Variants in GCH1 observed in about 807,000 individuals in gnomAD.
The protein encoded by GCH1 is GTP cyclohydrolase I.
Under a neutral mutation model 25.9 loss-of-function variants are expected in GCH1, and 5 were observed. The ratio of observed to expected loss-of-function variants is 0.19; its 90% CI spans 0.10 to 0.41. The LOEUF (loss-of-function observed/expected upper bound fraction) is 0.41. Ranked by LOEUF, GCH1 falls within the 10% of genes least tolerant of loss-of-function variation. The pLI is 1.00. For synonymous variants in GCH1, 159 were observed against 129.6 expected (o/e 1.23, Z -1.54); for missense variants, 261 against 336.5 (o/e 0.78, Z 1.75).
intron 1 of GCH1, among the ~76,000 whole-genome samples, chr14:54,876,006 C>G (rs2040153940): frequency 1.3e-5 from 2 of 152,080 alleles, no homozygotes; most frequent in Admixed American, 1.3e-4. Flanking sequence ...GGTATATACC[C>G]AAAGGATTAT....
chr14:54,854,710 T>A (rs1451007412), intron 3 of GCH1, among the ~76,000 whole-genome samples: 1 of 152,182 alleles, frequency 6.6e-6, no homozygotes, highest in African/African-American at 2.4e-5. Context: ...GTGGAAAAAT[T>A]AATACTGGAG....
intron 2 of GCH1, 110 bp from the exon 3 acceptor site, chr14:54,859,846 G>A (rs1248819788): frequency 1.7e-5 from 12 of 716,420 alleles, no homozygotes; most frequent in Non-Finnish European, 2.6e-5. Flanking sequence ...AATTTATCAC[G>A]ACAATGTATT....
intron 1 of GCH1, among the ~76,000 whole-genome samples, chr14:54,888,781 C>T (rs553389067): frequency 6.6e-6 from 1 of 152,004 alleles, no homozygotes; most frequent in East Asian, 1.9e-4. Context: ...CCTCAGCCTC[C>T]CAAAGTGCTG....
intron 1 of GCH1, among the ~76,000 whole-genome samples, chr14:54,892,148 A>C (rs894480492): frequency 2.4e-4 from 36 of 152,182 alleles, no homozygotes; most frequent in Non-Finnish European, 8.8e-5. Context: ...TGCAAAAGCT[A>C]TGGCCACAGC....
intron 1 of GCH1, chr14:54,885,112 C>T: frequency 3.4e-6 from 1 of 291,566 alleles, no homozygotes. Flanking sequence ...GATGTCAGTA[C>T]AAACTCTGCC....
chr14:54,845,641 T>C (rs2039630823), intron 5 of GCH1, 127 bp downstream of exon 5: 3 of 745,522 alleles, frequency 4.0e-6, no homozygotes, highest in East Asian at 5.0e-5. Flanking sequence ...GGCTCAGGGA[T>C]GGAAATCTAC....
At chr14:54,885,494 C>T in intron 1 of GCH1, 1 of 302,062 alleles carries the variant, frequency 3.3e-6, no homozygotes, top group Non-Finnish European at 6.5e-6. Context: ...AGAAGCATAG[C>T]ATCATTGATG....
chr14:54,898,554 T>C (rs8019791), intron 1 of GCH1, among the ~76,000 whole-genome samples: 6,287 of 152,326 alleles, frequency 0.041, 435 homozygotes, highest in African/African-American at 0.14. Flanking sequence ...ATTGTACAGC[T>C]GTGCAAAAAT....
At chr14:54,869,853 G>C (rs989112103) in intron 1 of GCH1, among the ~76,000 whole-genome samples, 1 of 152,194 alleles carries the variant, frequency 6.6e-6, no homozygotes, top group Admixed American at 6.5e-5. Context: ...AGTACACTCA[G>C]CAAGAAGATG....
intron 5 of GCH1, among the ~76,000 whole-genome samples, chr14:54,844,588 A>G (rs747860629): frequency 6.6e-6 from 1 of 152,220 alleles, no homozygotes; most frequent in Non-Finnish European, 1.5e-5. Context: ...TAAATGCTCA[A>G]GTATACTGAT....
At chr14:54,886,437 C>T (rs1339615164) in intron 1 of GCH1, among the ~76,000 whole-genome samples, 1 of 152,032 alleles carries the variant, frequency 6.6e-6, no homozygotes, top group Non-Finnish European at 1.5e-5. Flanking sequence ...ACAGTGAAAC[C>T]CCGTCTCTAC....
chr14:54,881,961 T>C (rs918668296), intron 1 of GCH1, among the ~76,000 whole-genome samples: 4 of 152,328 alleles, frequency 2.6e-5, no homozygotes, highest in Middle Eastern at 3.4e-3. Flanking sequence ...TCACAAACAC[T>C]ACGTTTCTTG....
intron 1 of GCH1, among the ~76,000 whole-genome samples, chr14:54,876,788 G>T (rs986596762): frequency 6.6e-6 from 1 of 152,076 alleles, no homozygotes; most frequent in Non-Finnish European, 1.5e-5. Flanking sequence ...ATGCTTATCT[G>T]CAAAAAGAAA....
chr14:54,888,062 A>G (rs1021782798), intron 1 of GCH1, among the ~76,000 whole-genome samples: 1 of 152,192 alleles, frequency 6.6e-6, no homozygotes, highest in Non-Finnish European at 1.5e-5. Flanking sequence ...TCTTGGGGGG[A>G]AAAGTCTTTA....
intron 1 of GCH1, among the ~76,000 whole-genome samples, chr14:54,877,116 G>T (rs2040172966): frequency 6.6e-6 from 1 of 152,144 alleles, no homozygotes; most frequent in Non-Finnish European, 1.5e-5. Context: ...AAGTTTCCCT[G>T]CTATATTTAC....
At chr14:54,855,980 T>C (rs1372546946) in intron 3 of GCH1, among the ~76,000 whole-genome samples, 1 of 152,066 alleles carries the variant, frequency 6.6e-6, no homozygotes, top group Non-Finnish European at 1.5e-5. Flanking sequence ...TTTCACTTTA[T>C]TCACTCATTT....
chr14:54,854,356 C>G (rs773245963), intron 3 of GCH1, among the ~76,000 whole-genome samples: 7 of 152,112 alleles, frequency 4.6e-5, no homozygotes, highest in Non-Finnish European at 1.0e-4. Context: ...AAAGGCCCAG[C>G]AAAGACCTGC....
Position 54,842,895 on chromosome 14 carries a change from T to C in GCH1, c.*1122A>G, listed in dbSNP as rs56126158. ...AGTTACAATGAGGACAAGACCCACA[T>C]AGACCACAAAGGAAACCGGGACCAG... On this transcript the variant is annotated 3_prime_UTR_variant, in exon 6 of 6. Transcript: ENST00000491895. The C allele has an allele frequency of 3.0e-5, 18 of 590,356 alleles. No individual in the cohort carries two copies. Among genetic ancestry groups the C allele is most frequent in the Middle Eastern group, 2.6e-4 (1 of 3,908 alleles). 36.6% of individuals were successfully genotyped at this position (590,356 alleles called of 1,614,324 possible).
At chr14:54,851,151 G>C (rs2039724234) in intron 3 of GCH1, among the ~76,000 whole-genome samples, 1 of 152,118 alleles carries the variant, frequency 6.6e-6, no homozygotes, top group Non-Finnish European at 1.5e-5. Flanking sequence ...AATGGTGCTG[G>C]GAAAACTGCC....
Sources: gnomAD v4.1 joint callset for allele counts (sites outside exome capture counted in the v4.1 genomes callset) on GRCh38, gnomAD v4.1.1 for gene constraint, MANE v1.5 for transcripts, NCBI Gene and HGNC (gene_info 2026-07-23, HGNC 2026-07-21) for gene names.